FGD6: variants seen among roughly 807,000 people sequenced by gnomAD.
FGD6 encodes FYVE, RhoGEF and PH domain-containing protein 6.
In FGD6, 90 loss-of-function variants were observed where a neutral mutation model predicts 149.4. The ratio of observed to expected loss-of-function variants is 0.60; its 90% CI spans 0.51 to 0.72. FGD6 has a LOEUF of 0.72. FGD6 is among the 30% of genes least tolerant of loss of function. FGD6 has a pLI of 0.00. For synonymous variants in FGD6, 527 were observed against 584.0 expected (o/e 0.90, Z 1.41); for missense variants, 1,437 against 1,684.8 (o/e 0.85, Z 2.57).
intron 15 of FGD6, 26 bp downstream of exon 15, chr12:95,094,566 A>G: frequency 7.0e-7 from 1 of 1,420,574 alleles, no homozygotes; most frequent in Non-Finnish European, 9.5e-7. Context: ...TGCACTGGAA[A>G]AAAAAAAAAA....
chr12:95,155,041 T>C (rs141222229), intron 3 of FGD6, among the ~76,000 whole-genome samples: 28 of 152,194 alleles, frequency 1.8e-4, no homozygotes, highest in African/African-American at 6.5e-4. Context: ...AAAAAATAGA[T>C]GCAGGTTTAA....
intron 2 of FGD6, among the ~76,000 whole-genome samples, chr12:95,198,486 C>T (rs1005368569): frequency 7.9e-5 from 12 of 152,252 alleles, no homozygotes; most frequent in African/African-American, 2.9e-4. Context: ...GTCACCCAGG[C>T]TGGATTGCAG....
At chr12:95,178,537 C>A (rs75838936) in intron 2 of FGD6, among the ~76,000 whole-genome samples, 173 of 152,244 alleles carry the variant, frequency 1.1e-3, no homozygotes, top group African/African-American at 4.1e-3. Flanking sequence ...AGAAATCCTT[C>A]CCCCTGAAAG....
intron 3 of FGD6, among the ~76,000 whole-genome samples, chr12:95,163,632 T>C (rs1481183392): frequency 6.6e-6 from 1 of 152,246 alleles, no homozygotes; most frequent in Non-Finnish European, 1.5e-5. Flanking sequence ...ATATTGCTTT[T>C]GAAGATGTGT....
At chr12:95,141,273 C>T in intron 6 of FGD6, 115 bp downstream of exon 6, 1 of 1,097,560 alleles carries the variant, frequency 9.1e-7, no homozygotes, top group Non-Finnish European at 1.3e-6. Context: ...ACTGCAAAGA[C>T]AATATATTCA....
At chr12:95,191,359 T>C (rs1488971720) in intron 2 of FGD6, among the ~76,000 whole-genome samples, 2 of 152,218 alleles carry the variant, frequency 1.3e-5, no homozygotes, top group African/African-American at 2.4e-5. Flanking sequence ...TTTTAGCAAA[T>C]AGCAGTAATT....
chr12:95,107,766 ACAGT>A (rs1156710590), intron 11 of FGD6, 135 bp from the exon 12 acceptor site: 1 of 825,692 alleles, frequency 1.2e-6, no homozygotes, highest in Non-Finnish European at 1.9e-6. Context: ...GAGATTTTTT[ACAGT>A]CATAGTTAAT....
intron 2 of FGD6, among the ~76,000 whole-genome samples, chr12:95,190,850 A>G (rs1338817104): frequency 6.6e-6 from 1 of 152,172 alleles, no homozygotes; most frequent in Non-Finnish European, 1.5e-5. Context: ...CAGGAGTTTG[A>G]GACCAGCCTG....
rs1167360665 is a variant in FGD6 at position 95,078,524 on chromosome 12, C to T, written c.*2996G>A. 1 of 152,186 alleles carries T rather than the reference C, an allele frequency of 6.6e-6. No homozygotes were observed. The allele number at this position is 152,186 out of a possible 1,614,324, so 9.4% of individuals were successfully genotyped here. Reference sequence around the variant, plus strand: ...TCGCCTTCTCTTTGTTGTGTCATTACAGCTTTCATGTGAATCAAGGGTTGG... The same window carrying T: ...TCGCCTTCTCTTTGTTGTGTCATTATAGCTTTCATGTGAATCAAGGGTTGG... On this transcript the variant is annotated 3_prime_UTR_variant, in exon 21 of 21. Coordinates refer to ENST00000343958, the MANE Select transcript of FGD6 (RefSeq NM_018351.4).
At chr12:95,136,951 T>C (rs1449581478) in intron 7 of FGD6, among the ~76,000 whole-genome samples, 1 of 152,220 alleles carries the variant, frequency 6.6e-6, no homozygotes, top group African/African-American at 2.4e-5. Flanking sequence ...TTGTGTTGTA[T>C]GTATTTTACC....
In FGD6 at chr12:95,210,025, T is replaced by A. The variant is rs764184866; in HGVS notation, c.1259A>T (p.Lys420Ile). Residue 420 changes from lysine (K) to isoleucine (I), a missense_variant, in exon 2 of 21, where the codon AAA (lysine) becomes ATA (isoleucine). Lys to Ile is a moderately radical substitution (Grantham distance 102). Around this residue, in one of 2 missense-constraint regions of FGD6, gnomAD observed 1,055 missense variants for 1,146.0 expected, o/e 0.92. Coordinates refer to ENST00000343958, the MANE Select transcript of FGD6 (RefSeq NM_018351.4). ...GCTGTCAGAACTCAAATTAGAGTCT[T>A]TATCAAAAGAAGGTGCCATTTTTTC... ...SFEKMAPSFD[K>I]DSNLSSDSTT... 150 of 1,613,698 alleles carry A rather than the reference T, an allele frequency of 9.3e-5. No homozygotes were observed. Among genetic ancestry groups the A allele is most frequent in the Non-Finnish European group, 1.2e-4 (142 of 1,179,952 alleles).
At chr12:95,167,451 T>C (rs1181567289) in intron 3 of FGD6, among the ~76,000 whole-genome samples, 1 of 152,192 alleles carries the variant, frequency 6.6e-6, no homozygotes, top group Non-Finnish European at 1.5e-5. Context: ...CACTGAAGCA[T>C]TGCTTTGTAT....
intron 2 of FGD6, among the ~76,000 whole-genome samples, chr12:95,179,291 G>A (rs917954418): frequency 1.3e-5 from 2 of 151,800 alleles, no homozygotes; most frequent in African/African-American, 4.8e-5. Context: ...CTTGGGCCTA[G>A]GAGTTCGAGA....
At chr12:95,139,021 G>C (rs920689892) in intron 6 of FGD6, among the ~76,000 whole-genome samples, 5 of 152,194 alleles carry the variant, frequency 3.3e-5, no homozygotes. Context: ...AAACCTTCTT[G>C]AATGTGAAAA....
intron 6 of FGD6, among the ~76,000 whole-genome samples, chr12:95,138,091 A>G (rs891541029): frequency 6.6e-6 from 1 of 151,918 alleles, no homozygotes; most frequent in Non-Finnish European, 1.5e-5. Context: ...ATGGTGGTGC[A>G]TGCCTGTAAT....
rs1179024536 is a variant in FGD6, at chr12:95,140,053, T to C, written c.2837+1335A>G. Among the ~76,000 whole-genome samples the C allele has an allele frequency of 3.3e-5, 5 of 152,196 alleles. No homozygotes were observed. In the East Asian group the frequency reaches 5.8e-4, roughly 18 times the overall value. On this transcript the variant is annotated intron_variant, in intron 6 of 20. Transcript: ENST00000343958. Reference sequence around the variant, plus strand: ...TTATCTGCCATATTTACCCAACATATAGAGGCAAGATATTTCCAAAACAAG... The same window carrying C: ...TTATCTGCCATATTTACCCAACATACAGAGGCAAGATATTTCCAAAACAAG...
chr12:95,108,611 A>G (rs978699889), intron 9 of FGD6, 50 bp from the exon 10 acceptor site: 8 of 1,602,558 alleles, frequency 5.0e-6, no homozygotes, highest in Non-Finnish European at 6.8e-6. Flanking sequence ...AATGGAAACA[A>G]ATAGTTTGCA....
intron 1 of FGD6, among the ~76,000 whole-genome samples, chr12:95,212,763 A>G (rs1447145498): frequency 2.0e-5 from 3 of 152,188 alleles, no homozygotes; most frequent in Non-Finnish European, 4.4e-5. Flanking sequence ...GAACAAAGGA[A>G]ATTAGTCACG....
At chr12:95,093,989 A>G (rs1466478353) in intron 15 of FGD6, among the ~76,000 whole-genome samples, 1 of 151,398 alleles carries the variant, frequency 6.6e-6, no homozygotes, top group Non-Finnish European at 1.5e-5. Flanking sequence ...GTGAAACCCC[A>G]TCTGTACTAA....
Sources: gnomAD v4.1 joint callset for allele counts (sites outside exome capture counted in the v4.1 genomes callset) on GRCh38, gnomAD v4.1.1 for gene constraint, gnomAD v4.1.1 regional missense constraint, MANE v1.5 for transcripts, NCBI Gene and HGNC (gene_info 2026-07-23, HGNC 2026-07-21) for gene names.